The following RIPOR2 variants were observed in gnomAD, a reference collection of about 807,000 sequenced individuals.
RIPOR2 encodes the protein RHO family interacting cell polarization regulator 2, also known as rho family-interacting cell polarization regulator 2.
A neutral mutation model predicts 114.5 loss-of-function variants in RIPOR2; 39 were observed. The ratio of observed to expected loss-of-function variants is 0.34; its 90% CI spans 0.26 to 0.44. RIPOR2 has a LOEUF of 0.44. Among genes scored for constraint, RIPOR2 ranks in the 20% least tolerant of loss-of-function variants. The pLI is 1.00. For synonymous variants in RIPOR2, 445 were observed against 484.4 expected (o/e 0.92, Z 1.07); for missense variants, 1,007 against 1,255.1 (o/e 0.80, Z 2.99).
intron 1 of RIPOR2, chr6:24,976,403 C>T (rs2113565121): frequency 6.7e-7 from 1 of 1,489,818 alleles, no homozygotes; most frequent in Admixed American, 1.7e-5. Flanking sequence ...CCGAGGAAAA[C>T]CGTGTGCTAT....
rs937202384 is a variant in RIPOR2 at position 24,809,585 on chromosome 6, C to T, written c.3043+132G>A. The stretch of plus-strand genomic sequence containing the variant: ...TCGTACTCTGTGTGTGAGAAGACAG[C>T]CTACAGCGGGGAAACTGCTAAACAG... On this transcript the variant is annotated intron_variant, in intron 21 of 21. Coordinates refer to ENST00000643898, the MANE Select transcript of RIPOR2 (RefSeq NM_001286445.3). 147 of 657,124 alleles carry T rather than the reference C, an allele frequency of 2.2e-4. 4 individuals are homozygous for T. The highest frequency in any genetic ancestry group is 2.1e-3 in the South Asian group (118 of 55,582). The allele number at this position is 657,124 out of a possible 1,614,324, so 40.7% of individuals were successfully genotyped here. A position where few individuals can be genotyped will look rare whatever the true frequency, so the allele number is the denominator to read the frequency against.
At chr6:25,022,961 T>C (rs441342) in intron 1 of RIPOR2, among the ~76,000 whole-genome samples, 29,945 of 152,092 alleles carry the variant, frequency 0.2, 3,715 homozygotes, top group East Asian at 0.58. Flanking sequence ...GAAATGTGAA[T>C]GTCACTGCCC....
chr6:25,009,863 C>T (rs1053743230), intron 1 of RIPOR2, among the ~76,000 whole-genome samples: 8 of 152,122 alleles, frequency 5.3e-5, no homozygotes. Context: ...AGAGGCCACA[C>T]AGCCTTCTAC....
intron 1 of RIPOR2, among the ~76,000 whole-genome samples, chr6:24,964,113 G>C (rs663165): frequency 6.7e-6 from 1 of 148,428 alleles, no homozygotes; most frequent in South Asian, 2.2e-4. Flanking sequence ...ATTGACATTG[G>C]TGCAGTATCA....
chr6:25,020,950 G>C (rs1455684820), intron 1 of RIPOR2, among the ~76,000 whole-genome samples: 1 of 152,076 alleles, frequency 6.6e-6, no homozygotes, highest in Non-Finnish European at 1.5e-5. Context: ...TCCGTCTTCT[G>C]GGTTCAAATG....
At chr6:25,005,694 GATATATATATATATATATAT>G (rs34057286) in intron 1 of RIPOR2, among the ~76,000 whole-genome samples, 6,396 of 45,408 alleles carry the variant, frequency 0.14, 643 homozygotes, top group African/African-American at 0.21. Context: ...TCCCTATGGA[GATATATATATATATATATAT>G]ATATATATAT....
At chr6:24,970,738 TATC>T (rs1014976251) in intron 1 of RIPOR2, among the ~76,000 whole-genome samples, 3 of 152,142 alleles carry the variant, frequency 2.0e-5, no homozygotes, top group African/African-American at 4.8e-5. Context: ...ACCAGGGAAA[TATC>T]ATGCTGATTT....
intron 7 of RIPOR2, among the ~76,000 whole-genome samples, chr6:24,864,593 T>C (rs1764397408): frequency 1.3e-5 from 2 of 152,236 alleles, no homozygotes; most frequent in East Asian, 1.9e-4. Context: ...ACTCATGGGA[T>C]AGTGAGGAGT....
At chr6:24,932,779 T>A (rs1261763820) in intron 1 of RIPOR2, among the ~76,000 whole-genome samples, 1 of 152,242 alleles carries the variant, frequency 6.6e-6, no homozygotes, top group African/African-American at 2.4e-5. Context: ...GTTGCCCTAA[T>A]AACAAGCTTC....
intron 14 of RIPOR2, among the ~76,000 whole-genome samples, chr6:24,836,620 T>C (rs1003933486): frequency 1.3e-5 from 2 of 152,212 alleles, no homozygotes; most frequent in Non-Finnish European, 2.9e-5. Flanking sequence ...TTCACACAGC[T>C]AGACGGGACA....
chr6:24,975,040 G>GCCGT (rs1773978752), intron 1 of RIPOR2, among the ~76,000 whole-genome samples: 1 of 152,074 alleles, frequency 6.6e-6, no homozygotes, highest in Non-Finnish European at 1.5e-5. Flanking sequence ...TTCTTTTAAT[G>GCCGT]GTAATAAAAA....
chr6:24,986,112 A>G (rs1774520278), intron 1 of RIPOR2, among the ~76,000 whole-genome samples: 1 of 152,200 alleles, frequency 6.6e-6, no homozygotes, highest in Admixed American at 6.5e-5. Flanking sequence ...ATATTAGTTG[A>G]TATTTTCCTG....
At chr6:24,917,617 C>A (rs2114095169) in intron 1 of RIPOR2, among the ~76,000 whole-genome samples, 1 of 152,266 alleles carries the variant, frequency 6.6e-6, no homozygotes, top group African/African-American at 2.4e-5. Flanking sequence ...GCAACCTCCG[C>A]CTCCCGGGTT....
In RIPOR2 at chr6:24,843,547, A is replaced by G. The variant is rs1429925544; in HGVS notation, c.1172T>C (p.Leu391Pro). ...TCCATTTTCAAAGATGTCATCAGGT[A>G]GATTTGACTATAGATAAAAGATACC... ...TFKDHSFFSN[L>P]PDDIFENGKA... The change falls in exon 13 of 22, where the codon CTA (leucine) becomes CCA (proline). Residue 391 changes from leucine (L) to proline (P), a missense_variant. Transcript: ENST00000643898. 6.6e-7 allele frequency: 1 copy of G among 1,513,076 alleles called. No individual in the cohort carries two copies. The highest frequency in any genetic ancestry group is 8.8e-7 in the Non-Finnish European group (1 of 1,130,310). The allele number at this position is 1,513,076 out of a possible 1,614,324, so 93.7% of individuals were successfully genotyped here.
At chr6:25,004,157 A>G (rs1775442168) in intron 1 of RIPOR2, among the ~76,000 whole-genome samples, 1 of 152,224 alleles carries the variant, frequency 6.6e-6, no homozygotes, top group Admixed American at 6.5e-5. Context: ...ATACCTCAAA[A>G]AAGCACTAAA....
intron 1 of RIPOR2, among the ~76,000 whole-genome samples, chr6:24,953,213 A>G (rs536621887): frequency 1.3e-5 from 2 of 152,262 alleles, no homozygotes; most frequent in East Asian, 3.9e-4. Flanking sequence ...CATGCCTGTA[A>G]TCCCAGCTAC....
chr6:24,910,708 G>T (rs1218835294), intron 1 of RIPOR2: 1 of 617,204 alleles, frequency 1.6e-6, no homozygotes, highest in Non-Finnish European at 2.0e-6. Context: ...TTCAACGGCT[G>T]CTTAGCATTC....
chr6:24,960,042 A>G lies in RIPOR2; in HGVS notation c.76+81809T>C, dbSNP rs566795597. ...TAAACGTGTTACAAGTTCAGGGAGA[A>G]AAAAGGTTGTCCCTCTAGGCATTCT... On this transcript the variant is annotated intron_variant, in intron 1 of 13. Transcript: ENST00000510784. Among the ~76,000 whole-genome samples the G allele has an allele frequency of 4.6e-5, 7 of 152,336 alleles. No individual in the cohort carries two copies. The South Asian group carries it at 1.5e-3, about 32-fold the overall frequency.
At chr6:25,026,095 G>A (rs1161109040) in intron 1 of RIPOR2, among the ~76,000 whole-genome samples, 2 of 149,324 alleles carry the variant, frequency 1.3e-5, no homozygotes, top group African/African-American at 5.0e-5. Flanking sequence ...TGAAAGCACT[G>A]TGCTCAGCAA....
Sources: allele counts gnomAD v4.1 joint callset (sites outside exome capture counted in the v4.1 genomes callset), GRCh38; gene constraint gnomAD v4.1.1; transcripts MANE v1.5; gene names NCBI Gene and HGNC (gene_info 2026-07-23, HGNC 2026-07-21).